The following OR51B5 variants were observed in gnomAD, a reference collection of about 807,000 sequenced individuals.
OR51B5 encodes the protein olfactory receptor 51B5.
For missense variants in OR51B5, 456 were observed against 374.6 expected (o/e 1.22, Z -1.79); for synonymous variants, 186 against 144.8 (o/e 1.28, Z -2.04).
At chr11:5,483,185 T>C (rs1454172203) in intron 1 of OR51B5, among the ~76,000 whole-genome samples, 4 of 149,386 alleles carry the variant, frequency 2.7e-5, no homozygotes. Flanking sequence ...CCATAAAAAA[T>C]GATGAGTTCA....
intron 1 of OR51B5, among the ~76,000 whole-genome samples, chr11:5,457,140 C>T (rs1320756754): frequency 6.6e-6 from 1 of 152,190 alleles, no homozygotes; most frequent in Non-Finnish European, 1.5e-5. Flanking sequence ...TCCCACAATG[C>T]CCCTTCAAGT....
rs559248962 is a variant in OR51B5, at chr11:5,350,330, G to A, written n.85-3420C>T. On this transcript the variant is annotated intron_variant and non_coding_transcript_variant, in intron 1 of 4. Transcript: ENST00000415970. ...CTGAAAATGAAAGTCCAGTAATCTTGGATGCATTCTTTTCATGGACAGAAA... is the reference window on the plus strand; with the variant it reads ...CTGAAAATGAAAGTCCAGTAATCTTAGATGCATTCTTTTCATGGACAGAAA... Among the ~76,000 whole-genome samples, 20 of 152,266 alleles carry A rather than the reference G, an allele frequency of 1.3e-4. No individual in the cohort carries two copies. In the South Asian group the frequency reaches 1.4e-3, roughly 11 times the overall value.
intron 1 of OR51B5, among the ~76,000 whole-genome samples, chr11:5,459,877 T>C (rs1159366856): frequency 1.3e-5 from 2 of 152,156 alleles, no homozygotes. Flanking sequence ...ATCCTACTAC[T>C]GGGTATATAC....
intron 1 of OR51B5, among the ~76,000 whole-genome samples, chr11:5,459,148 T>G (rs1048179266): frequency 1.3e-5 from 2 of 152,166 alleles, no homozygotes; most frequent in African/African-American, 4.8e-5. Context: ...GTTTATTGAG[T>G]GTTTTTAGTA....
intron 1 of OR51B5, among the ~76,000 whole-genome samples, chr11:5,444,911 C>T (rs1026949520): frequency 6.6e-6 from 1 of 152,164 alleles, no homozygotes; most frequent in East Asian, 1.9e-4. Flanking sequence ...TGTAAACACA[C>T]TGCATACATG....
At chr11:5,444,455 G>A (rs1012712078) in intron 1 of OR51B5, among the ~76,000 whole-genome samples, 10 of 152,300 alleles carry the variant, frequency 6.6e-5, no homozygotes, top group Middle Eastern at 3.4e-3. Flanking sequence ...AGGTGTCTGT[G>A]ATCCTGGAGT....
In OR51B5 at chr11:5,441,099, G is replaced by C. The variant is rs752320199; in HGVS notation, n.84+64470C>G. ...ACCCATAGCCAATATACGGTTGTGA[G>C]TGAGCACAGTGACATAGCGTAATGG... is the stretch of plus-strand genomic sequence containing the variant. On this transcript the variant is annotated intron_variant and non_coding_transcript_variant, in intron 1 of 4. Coordinates refer to the OR51B5 transcript ENST00000415970. The C allele has an allele frequency of 3.7e-6, 6 of 1,614,028 alleles. No homozygotes were observed. In the South Asian group the frequency reaches 6.6e-5, roughly 18 times the overall value.
chr11:5,340,720 G>C (rs555318638), downstream of OR51B5: 1 of 152,142 alleles, frequency 6.6e-6, no homozygotes, highest in Non-Finnish European at 1.5e-5. Flanking sequence ...TGGCCTTATA[G>C]TTAGAAGATA....
At chr11:5,402,384 G>T (rs1206430804) in intron 1 of OR51B5, among the ~76,000 whole-genome samples, 5 of 152,186 alleles carry the variant, frequency 3.3e-5, no homozygotes, top group Admixed American at 6.5e-5. Flanking sequence ...ATCTGCCTAT[G>T]ACAGAAGCTG....
intron 1 of OR51B5, among the ~76,000 whole-genome samples, chr11:5,356,346 T>C (rs538826959): frequency 0.049 from 7,467 of 151,582 alleles, 219 homozygotes; most frequent in South Asian, 0.092. Context: ...ACTCAGTAGC[T>C]GATTCGATCA....
At chr11:5,354,841 G>C (rs1849161565) in intron 1 of OR51B5, 1 of 192,432 alleles carries the variant, frequency 5.2e-6, no homozygotes, top group Admixed American at 6.1e-5. Context: ...GCCACAAGAA[G>C]CAGAGGGTAC....
chr11:5,438,188 G>A (rs1022501716), intron 1 of OR51B5, among the ~76,000 whole-genome samples: 9 of 152,082 alleles, frequency 5.9e-5, no homozygotes, highest in African/African-American at 2.2e-4. Flanking sequence ...GAGAGGCAGG[G>A]CTTTGAGAAG....
At chr11:5,498,758 G>A (rs896974412) in intron 1 of OR51B5, among the ~76,000 whole-genome samples, 7 of 152,148 alleles carry the variant, frequency 4.6e-5, no homozygotes, top group Non-Finnish European at 7.3e-5. Flanking sequence ...GAACTTTCGT[G>A]TTCCTGACAG....
chr11:5,447,585 G>C (rs754339972), intron 1 of OR51B5, among the ~76,000 whole-genome samples: 1 of 149,878 alleles, frequency 6.7e-6, no homozygotes, highest in Non-Finnish European at 1.5e-5. Context: ...TCACCGCTCA[G>C]TCTCAATCCC....
chr11:5,440,700 G>A, intron 1 of OR51B5: 2 of 1,613,998 alleles, frequency 1.2e-6, no homozygotes, highest in Non-Finnish European at 1.7e-6. Context: ...ATGAACAACA[G>A]GTGGAGCACT....
At chr11:5,399,398 C>T (rs1326868628) in intron 1 of OR51B5, among the ~76,000 whole-genome samples, 2 of 152,114 alleles carry the variant, frequency 1.3e-5, no homozygotes, top group African/African-American at 4.8e-5. Flanking sequence ...TTGCTAAAGG[C>T]TCACATTAAA....
At position 5,358,489 on chromosome 11, in the gene OR51B5, A is replaced by T. The variant is rs574760708; in HGVS notation, n.85-11579T>A. Among the ~76,000 whole-genome samples the T allele has an allele frequency of 3.9e-3, 593 of 152,320 alleles. 2 individuals are homozygous for T. Among genetic ancestry groups the T allele is most frequent in the Middle Eastern group, 0.01 (3 of 294 alleles). ...AGACCAATAACAGGATCTGAAATTG[A>T]GGCAATAATTAATAGCTTACCAACC... On this transcript the variant is annotated intron_variant and non_coding_transcript_variant, in intron 1 of 4. Coordinates refer to the OR51B5 transcript ENST00000415970.
rs1270696170 is a variant in OR51B5 at position 5,353,746 on chromosome 11, G to A, written n.85-6836C>T. On this transcript the variant is annotated intron_variant and non_coding_transcript_variant, in intron 1 of 4. Coordinates refer to the OR51B5 transcript ENST00000415970. ...CCACCCAGTGACCAGTCAGCTGGATGCCCCTCATCTCTGGCCTCTGTCATA... is the reference window on the plus strand; with the variant it reads ...CCACCCAGTGACCAGTCAGCTGGATACCCCTCATCTCTGGCCTCTGTCATA... Among the ~76,000 whole-genome samples the A allele has an allele frequency of 2.0e-5, 3 of 152,228 alleles. No homozygotes were observed. The East Asian group carries it at 5.8e-4, about 29-fold the overall frequency.
intron 1 of OR51B5, among the ~76,000 whole-genome samples, chr11:5,380,845 T>A (rs1450038055): frequency 6.6e-6 from 1 of 152,166 alleles, no homozygotes; most frequent in African/African-American, 2.4e-5. Context: ...AAGGTGGTGC[T>A]GGAAGAAAAG....
Sources: gnomAD v4.1 joint callset for allele counts (sites outside exome capture counted in the v4.1 genomes callset) on GRCh38, gnomAD v4.1.1 for gene constraint, MANE v1.5 for transcripts, NCBI Gene and HGNC (gene_info 2026-07-23, HGNC 2026-07-21) for gene names.